CDH13: variants seen among roughly 807,000 people sequenced by gnomAD.
The protein encoded by CDH13 is cadherin-13.
CDH13 carries 24 observed loss-of-function variants against 63.8 expected under a neutral mutation model. The ratio of observed to expected loss-of-function variants is 0.38; its 90% CI spans 0.27 to 0.53. CDH13 has a LOEUF of 0.53. Among genes scored for constraint, CDH13 ranks in the 20% least tolerant of loss-of-function variants. The pLI is 0.85. For missense variants in CDH13, 1,049 were observed against 903.1 expected, an observed-to-expected ratio of 1.16 and a Z score of -2.07; for synonymous variants, 503 against 355.3, an observed-to-expected ratio of 1.42 and a Z score of -4.67.
intron 8 of CDH13, among the ~76,000 whole-genome samples, chr16:83,645,801 T>A (rs1385334346): frequency 6.6e-6 from 1 of 152,052 alleles, no homozygotes; most frequent in Non-Finnish European, 1.5e-5. Context: ...CATCATTTCC[T>A]GTAAATCTAG....
intron 7 of CDH13, among the ~76,000 whole-genome samples, chr16:83,488,560 G>A (rs1213509327): frequency 1.3e-5 from 2 of 152,022 alleles, no homozygotes; most frequent in Admixed American, 1.3e-4. Context: ...AAAGTAATGA[G>A]TCCATTATAT....
chr16:82,931,673 T>A lies in CDH13; in HGVS notation c.157+73200T>A, dbSNP rs540123702. 3.3e-5 allele frequency among the ~76,000 whole-genome samples: 5 copies of A among 152,202 alleles called. No individual in the cohort carries two copies. In the South Asian group the frequency reaches 1.0e-3, roughly 32 times the overall value. On this transcript the variant is annotated intron_variant, in intron 2 of 13. Transcript: ENST00000567109. ...TGTGGCTGGGGAGGCCTCACAATCA[T>A]GGCAGAAGGCAAAGGCATGACTTAC... is the stretch of plus-strand genomic sequence containing the variant.
chr16:82,842,145 T>TATGTATATATATATATATATATAC (rs2039055089), intron 1 of CDH13, among the ~76,000 whole-genome samples: 5 of 27,594 alleles, frequency 1.8e-4, no homozygotes, highest in African/African-American at 5.8e-4. Context: ...TATACACATA[T>TATGTATATATATATATATATATAC]ATATATATAT....
At chr16:82,751,813 T>C (rs765946311) in intron 1 of CDH13, among the ~76,000 whole-genome samples, 22 of 152,268 alleles carry the variant, frequency 1.4e-4, no homozygotes, top group South Asian at 6.2e-4. Context: ...ATACAGCCTT[T>C]AGTTTATCAG....
At chr16:82,758,832 A>G (rs1018752563) in intron 1 of CDH13, among the ~76,000 whole-genome samples, 2 of 152,198 alleles carry the variant, frequency 1.3e-5, no homozygotes, top group African/African-American at 4.8e-5. Context: ...GTGTGTAACC[A>G]TTGTTTGAGT....
intron 1 of CDH13, among the ~76,000 whole-genome samples, chr16:82,764,763 G>A (rs2034985752): frequency 6.6e-6 from 1 of 151,614 alleles, no homozygotes. Context: ...TTTATCTTGT[G>A]ATGTGGAACC....
chr16:83,262,888 T>C (rs1205948939), intron 5 of CDH13, among the ~76,000 whole-genome samples: 1 of 152,226 alleles, frequency 6.6e-6, no homozygotes, highest in East Asian at 1.9e-4. Context: ...ATTTGGCTAA[T>C]TAGTGTAAAT....
chr16:83,512,668 A>AATAATAATAATAATAAT (rs1179009561), intron 7 of CDH13, among the ~76,000 whole-genome samples: 4 of 120,014 alleles, frequency 3.3e-5, no homozygotes, highest in African/African-American at 1.4e-4. Flanking sequence ...ACTCCGTCTC[A>AATAATAATAATAATAAT]ATAATAATAA....
At chr16:83,196,838 G>T (rs1308836350) in intron 4 of CDH13, among the ~76,000 whole-genome samples, 2 of 152,174 alleles carry the variant, frequency 1.3e-5, no homozygotes, top group Non-Finnish European at 2.9e-5. Flanking sequence ...GACATTGCTG[G>T]TAGAAATGTA....
chr16:83,331,954 A>C (rs1015442032), intron 5 of CDH13, among the ~76,000 whole-genome samples: 1 of 152,156 alleles, frequency 6.6e-6, no homozygotes, highest in African/African-American at 2.4e-5. Flanking sequence ...ACACGCACAT[A>C]TCAGGCTAAA....
intron 2 of CDH13, among the ~76,000 whole-genome samples, chr16:82,994,940 C>G (rs544836364): frequency 6.6e-6 from 1 of 152,164 alleles, no homozygotes; most frequent in Non-Finnish European, 1.5e-5. Context: ...GAACTTGATG[C>G]GGCTCCATTT....
chr16:83,057,773 CT>C (rs1484941639), intron 3 of CDH13, among the ~76,000 whole-genome samples: 1 of 152,162 alleles, frequency 6.6e-6, no homozygotes, highest in Non-Finnish European at 1.5e-5. Flanking sequence ...TCACCTCCCA[CT>C]CCAGAAAAGG....
intron 6 of CDH13, among the ~76,000 whole-genome samples, chr16:83,351,523 C>G (rs760508237): frequency 1.3e-5 from 2 of 152,130 alleles, no homozygotes; most frequent in Non-Finnish European, 2.9e-5. Context: ...TCTCTCTTCA[C>G]TCCTCAGGGT....
At chr16:83,281,745 C>G (rs1219240552) in intron 5 of CDH13, among the ~76,000 whole-genome samples, 1 of 147,262 alleles carries the variant, frequency 6.8e-6, no homozygotes, top group African/African-American at 2.6e-5. Context: ...CTCATCTGTG[C>G]TTAAAAAAAA....
chr16:82,687,841 T>A (rs1915235880), intron 1 of CDH13, among the ~76,000 whole-genome samples: 3 of 152,264 alleles, frequency 2.0e-5, no homozygotes, highest in South Asian at 4.2e-4. Flanking sequence ...TCAAACTGGC[T>A]GTCCTCGGGG....
At chr16:82,824,729 T>G (rs906942916) in intron 1 of CDH13, 1 of 152,164 alleles carries the variant, frequency 6.6e-6, no homozygotes. Flanking sequence ...GAATTATACA[T>G]GAACAGGAGG....
intron 2 of CDH13, among the ~76,000 whole-genome samples, chr16:82,943,287 T>C (rs1323350814): frequency 4.6e-5 from 7 of 152,192 alleles, no homozygotes; most frequent in African/African-American, 1.7e-4. Flanking sequence ...TATATTCCTT[T>C]AGCATCATGA....
In CDH13 at chr16:83,550,771, C is replaced by T. The variant is rs533022046; in HGVS notation, c.961-51683C>T. On this transcript the variant is annotated intron_variant, in intron 7 of 13. Transcript: ENST00000567109. Reference sequence around the variant, plus strand: ...GCCATTCAGTAAACATCTGTTAAATCGAGGAAGCAGTGAATGAGTTGGAAG... The same window carrying T: ...GCCATTCAGTAAACATCTGTTAAATTGAGGAAGCAGTGAATGAGTTGGAAG... 1.1e-4 allele frequency among the ~76,000 whole-genome samples: 17 copies of T among 152,234 alleles called. No individual in the cohort carries two copies. The East Asian group carries it at 1.7e-3, about 16-fold the overall frequency.
At chr16:83,277,273 C>T (rs770494481) in intron 5 of CDH13, among the ~76,000 whole-genome samples, 1 of 152,174 alleles carries the variant, frequency 6.6e-6, no homozygotes, top group Non-Finnish European at 1.5e-5. Flanking sequence ...AATATGTTTT[C>T]ACCTTCTCAG....
Sources: gnomAD v4.1 joint callset for allele counts (sites outside exome capture counted in the v4.1 genomes callset) on GRCh38, gnomAD v4.1.1 for gene constraint, MANE v1.5 for transcripts, NCBI Gene and HGNC (gene_info 2026-07-23, HGNC 2026-07-21) for gene names.